Variants in MUSK observed in about 807,000 individuals in gnomAD.
The protein encoded by MUSK is muscle associated receptor tyrosine kinase.
A neutral mutation model predicts 88.7 loss-of-function variants in MUSK; 55 were observed. The ratio of observed to expected loss-of-function variants is 0.62; its 90% CI spans 0.50 to 0.78. The LOEUF (loss-of-function observed/expected upper bound fraction) is 0.78. Among genes scored for constraint, MUSK ranks in the 30% least tolerant of loss-of-function variants. MUSK has a pLI of 0.00. For synonymous variants in MUSK, 387 were observed against 391.9 expected (o/e 0.99, Z 0.15); for missense variants, 1,015 against 1,074.3 (o/e 0.94, Z 0.77).
intron 11 of MUSK, among the ~76,000 whole-genome samples, chr9:110,779,975 T>A (rs942109949): frequency 7.9e-5 from 12 of 152,120 alleles, no homozygotes; most frequent in Non-Finnish European, 5.9e-5. Context: ...TAATGGTAAT[T>A]TTTTCCTTGT....
At chr9:110,689,156 A>T (rs1219280753) in intron 3 of MUSK, among the ~76,000 whole-genome samples, 1 of 118,922 alleles carries the variant, frequency 8.4e-6, no homozygotes, top group Non-Finnish European at 1.6e-5. Context: ...TATTTATATA[A>T]AATATAAATA....
chr9:110,744,638 T>C (rs2077150806), intron 6 of MUSK, among the ~76,000 whole-genome samples: 1 of 152,226 alleles, frequency 6.6e-6, no homozygotes, highest in Non-Finnish European at 1.5e-5. Context: ...ACATGATGTT[T>C]AGATAAACAT....
chr9:110,729,326 T>TAAAAAAAAAAAAAA (rs34882321), intron 5 of MUSK, among the ~76,000 whole-genome samples: 1 of 97,432 alleles, frequency 1.0e-5, no homozygotes, highest in Non-Finnish European at 2.1e-5. Flanking sequence ...CTGTTTTCTG[T>TAAAAAAAAAAAAAA]AAAAAAAAAA....
At chr9:110,757,851 G>C (rs1417241413) in intron 7 of MUSK, among the ~76,000 whole-genome samples, 1 of 152,094 alleles carries the variant, frequency 6.6e-6, no homozygotes, top group Non-Finnish European at 1.5e-5. Flanking sequence ...CATACTCTCA[G>C]AGCTCATTTC....
intron 6 of MUSK, among the ~76,000 whole-genome samples, chr9:110,747,004 C>T (rs1029976722): frequency 9.2e-5 from 14 of 152,122 alleles, no homozygotes; most frequent in African/African-American, 9.7e-5. Flanking sequence ...GGATCCACAC[C>T]GTATATAATT....
chr9:110,747,542 C>T, intron 6 of MUSK, 99 bp from the exon 7 acceptor site: 1 of 1,256,438 alleles, frequency 8.0e-7, no homozygotes. Flanking sequence ...GTACCACATG[C>T]ACTTGATTAT....
At chr9:110,669,465 A>T (rs1362563216) in intron 1 of MUSK, among the ~76,000 whole-genome samples, 1 of 152,194 alleles carries the variant, frequency 6.6e-6, no homozygotes, top group Non-Finnish European at 1.5e-5. Context: ...AGTTGCTAAA[A>T]ATTGGAAATA....
rs1203375135 is a variant in MUSK at position 110,687,150 on chromosome 9, T to C, written c.240T>C (p.Asn80=). The stretch of plus-strand genomic sequence containing the variant: ...ACACCCGGTACAGCATCCGGGAGAA[T>C]GGGCAGCTCCTCACCATCCTGAGTG... ...LFDTRYSIRE[N]GQLLTILSVE... The change falls in exon 3 of 15, where the codon AAT becomes AAC. Residue 80 remains asparagine (N), a synonymous_variant. Coordinates refer to ENST00000374448, the MANE Select transcript of MUSK (RefSeq NM_005592.4). 2 of 1,613,566 alleles carry C rather than the reference T, an allele frequency of 1.2e-6. No homozygotes were observed. Among genetic ancestry groups the C allele is most frequent in the Non-Finnish European group, 1.7e-6 (2 of 1,179,668 alleles).
chr9:110,728,866 G>A (rs115655354), intron 5 of MUSK: 3 of 556,248 alleles, frequency 5.4e-6, no homozygotes, highest in Admixed American at 3.8e-5. Flanking sequence ...AGCACTTAAC[G>A]GTGTTATTAG....
chr9:110,672,122 G>T (rs574855878), intron 1 of MUSK, among the ~76,000 whole-genome samples: 1 of 152,332 alleles, frequency 6.6e-6, no homozygotes, highest in Admixed American at 6.5e-5. Flanking sequence ...CTCATTGCAT[G>T]TTTGAGTAAA....
chr9:110,689,523 AAC>A (rs2131680406), intron 3 of MUSK, among the ~76,000 whole-genome samples: 1 of 87,174 alleles, frequency 1.1e-5, no homozygotes, highest in African/African-American at 5.8e-5. Context: ...AAATATATAC[AAC>A]TATATATAAA....
chr9:110,740,070 A>G (rs994787942), intron 6 of MUSK, among the ~76,000 whole-genome samples: 10 of 152,028 alleles, frequency 6.6e-5, no homozygotes, highest in African/African-American at 2.4e-4. Flanking sequence ...AAAATGGGGG[A>G]CTTCTTTTTA....
intron 8 of MUSK, among the ~76,000 whole-genome samples, chr9:110,763,953 A>T (rs1478452650): frequency 6.6e-6 from 1 of 152,200 alleles, no homozygotes; most frequent in Non-Finnish European, 1.5e-5. Flanking sequence ...ACTCCCTTTG[A>T]CCACATAGGG....
intron 11 of MUSK, among the ~76,000 whole-genome samples, chr9:110,777,233 G>T (rs928569797): frequency 1.3e-5 from 2 of 152,122 alleles, no homozygotes; most frequent in African/African-American, 4.8e-5. Context: ...GTATCAGATA[G>T]TGCTTTAACC....
intron 1 of MUSK, among the ~76,000 whole-genome samples, chr9:110,674,588 G>A (rs893711056): frequency 6.6e-5 from 10 of 150,640 alleles, no homozygotes; most frequent in Non-Finnish European, 1.2e-4. Context: ...GATTCCCAGA[G>A]ATGATGATGA....
chr9:110,799,420 G>T (rs557726582), intron 14 of MUSK, among the ~76,000 whole-genome samples: 3 of 152,032 alleles, frequency 2.0e-5, no homozygotes, highest in Non-Finnish European at 2.9e-5. Flanking sequence ...TAACTTTTTT[G>T]GTAGCATGAA....
intron 3 of MUSK, among the ~76,000 whole-genome samples, chr9:110,690,481 A>T (rs375604999): frequency 0.32 from 7,920 of 24,646 alleles, 973 homozygotes; most frequent in African/African-American, 0.52. Context: ...TATATATATA[A>T]ATATATATTT....
At chr9:110,747,592 T>C (rs1336493969) in intron 6 of MUSK, 49 bp from the exon 7 acceptor site, 1 of 1,537,848 alleles carries the variant, frequency 6.5e-7, no homozygotes, top group South Asian at 1.2e-5. Flanking sequence ...TGACATAGTA[T>C]AGTGGGAAAT....
chr9:110,767,032 A>G (rs1348989442), intron 8 of MUSK, among the ~76,000 whole-genome samples: 1 of 152,226 alleles, frequency 6.6e-6, no homozygotes, highest in East Asian at 1.9e-4. Context: ...TTTTAATCCT[A>G]TGTTTGTGCT....
Sources: gnomAD v4.1 joint callset for allele counts (sites outside exome capture counted in the v4.1 genomes callset) on GRCh38, gnomAD v4.1.1 for gene constraint, MANE v1.5 for transcripts, NCBI Gene and HGNC (gene_info 2026-07-23, HGNC 2026-07-21) for gene names.